The following LBH variants were observed in gnomAD, a reference collection of about 807,000 sequenced individuals.
LBH encodes the protein protein LBH.
LBH carries 7 observed loss-of-function variants against 12.5 expected under a neutral mutation model. The ratio of observed to expected loss-of-function variants is 0.56; its 90% CI spans 0.32 to 1.05. The LOEUF (loss-of-function observed/expected upper bound fraction) is 1.05, where lower values mean the gene tolerates loss of function less well. Ranked by LOEUF, LBH falls within the 50% of genes least tolerant of loss-of-function variation. The pLI is 0.04. For missense variants in LBH, 119 were observed against 138.9 expected (o/e 0.86, Z 0.72); for synonymous variants, 51 against 50.1 (o/e 1.02, Z -0.08).
chr2:30,259,892 A>G lies in LBH; in HGVS notation c.*2271A>G, dbSNP rs1415451766. 1.3e-5 allele frequency: 2 copies of G among 152,420 alleles called. No individual in the cohort carries two copies. The highest frequency in any genetic ancestry group is 2.9e-5 in the Non-Finnish European group (2 of 67,994). The allele number at this position is 152,420 out of a possible 1,614,324, so 9.4% of individuals were successfully genotyped here. ...AAAAATTCCTAGTATTTCAGTAAAAATGCCTGTTGTGAGATGAACCTCCTG... is the reference window on the plus strand; with the variant it reads ...AAAAATTCCTAGTATTTCAGTAAAAGTGCCTGTTGTGAGATGAACCTCCTG... On this transcript the variant is annotated 3_prime_UTR_variant, in exon 3 of 3. Transcript: ENST00000395323.
intron 1 of LBH, among the ~76,000 whole-genome samples, chr2:30,234,064 T>G (rs896548532): frequency 2.0e-5 from 3 of 152,206 alleles, no homozygotes; most frequent in Admixed American, 1.3e-4. Flanking sequence ...TATAGACAGA[T>G]GGACTCAGCT....
In LBH at chr2:30,231,553, G is replaced by A. The variant is rs1009841738; in HGVS notation, c.-186G>A. ...TGTGGGGCTGAGTGCTCAGTGGAGA[G>A]CGGGGAGTTGTGTCCACCTTGCCGA... On this transcript the variant is annotated 5_prime_UTR_variant, in exon 1 of 3. Transcript: ENST00000395323. 1.2e-4 allele frequency: 75 copies of A among 622,498 alleles called. No individual in the cohort carries two copies. Among genetic ancestry groups the A allele is most frequent in the Non-Finnish European group, 1.6e-4 (57 of 345,678 alleles). The allele number at this position is 622,498 out of a possible 1,614,324, so 38.6% of individuals were successfully genotyped here.
At chr2:30,243,325 T>C (rs752056865) in intron 2 of LBH, among the ~76,000 whole-genome samples, 25 of 152,184 alleles carry the variant, frequency 1.6e-4, no homozygotes, top group Non-Finnish European at 3.4e-4. Context: ...TTTTCTCCTT[T>C]ATTCTATTAA....
chr2:30,232,526 C>T (rs1319406339), intron 1 of LBH: 1 of 276,644 alleles, frequency 3.6e-6, no homozygotes, highest in Non-Finnish European at 6.8e-6. Flanking sequence ...GCAGTTTCTT[C>T]CTTCCTGCTC....
chr2:30,252,617 G>A (rs7592149), intron 2 of LBH, among the ~76,000 whole-genome samples: 6,932 of 151,986 alleles, frequency 0.046, 543 homozygotes, highest in African/African-American at 0.16. Flanking sequence ...AGCAGAGATC[G>A]TGCCACTGCA....
intron 2 of LBH, among the ~76,000 whole-genome samples, chr2:30,254,023 G>T (rs574946129): frequency 6.6e-6 from 1 of 152,102 alleles, no homozygotes; most frequent in Non-Finnish European, 1.5e-5. Flanking sequence ...TCCCAGGTGC[G>T]TGGCTTTGAG....
In LBH at chr2:30,257,626, C is replaced by T. The variant is rs140448962; in HGVS notation, c.*5C>T. The T allele has an allele frequency of 6.5e-5, 104 of 1,596,486 alleles. No individual in the cohort carries two copies. Among genetic ancestry groups the T allele is most frequent in the Non-Finnish European group, 8.6e-5 (100 of 1,169,186 alleles). On this transcript the variant is annotated 3_prime_UTR_variant, in exon 3 of 3. Transcript: ENST00000395323. Reference sequence around the variant, plus strand: ...AAAGAAAATAAAGAGCAGTAGAGTCCCTGTGGACTCCCATGGGTCATACCA... The same window carrying T: ...AAAGAAAATAAAGAGCAGTAGAGTCTCTGTGGACTCCCATGGGTCATACCA...
intron 2 of LBH, among the ~76,000 whole-genome samples, chr2:30,242,713 T>G (rs1472055602): frequency 1.3e-5 from 2 of 152,248 alleles, no homozygotes; most frequent in East Asian, 3.8e-4. Flanking sequence ...AGTGAATCCC[T>G]TTTTCACTTA....
chr2:30,249,698 G>A lies in LBH; in HGVS notation c.130-7735G>A, dbSNP rs13388013. On this transcript the variant is annotated intron_variant, in intron 2 of 2. Coordinates refer to ENST00000395323, the MANE Select transcript of LBH (RefSeq NM_030915.4). ...GTGGGCACAAGCCCAGGAGTGCTGC[G>A]TATTTGCTCCTGTCCCAAGCCACAG... is the stretch of plus-strand genomic sequence containing the variant. 7.2e-3 allele frequency among the ~76,000 whole-genome samples: 1,099 copies of A among 152,330 alleles called. 12 individuals are homozygous for A. Among genetic ancestry groups the A allele is most frequent in the African/African-American group, 0.024 (1,008 of 41,578 alleles).
rs550219011 is a variant in LBH at position 30,231,729 on chromosome 2, C to G, written c.-10C>G. The G allele has an allele frequency of 7.5e-6, 12 of 1,589,826 alleles. No homozygotes were observed. The Admixed American group carries it at 2.1e-4, about 28-fold the overall frequency. On this transcript the variant is annotated 5_prime_UTR_variant, in exon 1 of 3. Coordinates refer to ENST00000395323, the MANE Select transcript of LBH (RefSeq NM_030915.4). ...TCACAGGGGCGTGTGTCAGCCTGCC[C>G]TAGGACTTCATGTCTATATATTTCC...
chr2:30,251,440 C>T (rs1344784968), intron 2 of LBH, among the ~76,000 whole-genome samples: 1 of 151,970 alleles, frequency 6.6e-6, no homozygotes. Context: ...TCCCAAAATG[C>T]CACGGCCTGT....
At chr2:30,251,808 G>A (rs1677983814) in intron 2 of LBH, among the ~76,000 whole-genome samples, 1 of 152,104 alleles carries the variant, frequency 6.6e-6, no homozygotes, top group Non-Finnish European at 1.5e-5. Flanking sequence ...GTGGTGAGTG[G>A]CTGCTTTGTT....
At chr2:30,236,399 C>T (rs1325096892) in intron 2 of LBH, among the ~76,000 whole-genome samples, 1 of 152,070 alleles carries the variant, frequency 6.6e-6, no homozygotes, top group Non-Finnish European at 1.5e-5. Context: ...GCAAAGGATC[C>T]ACACATCTTC....
At chr2:30,255,397 C>A (rs909367316) in intron 2 of LBH, among the ~76,000 whole-genome samples, 1 of 113,602 alleles carries the variant, frequency 8.8e-6, no homozygotes, top group Non-Finnish European at 2.0e-5. Context: ...GGGTCCGTGT[C>A]CCCCTCTGCC....
chr2:30,258,028 A>G lies in LBH; in HGVS notation c.*407A>G, dbSNP rs1400489775. Reference sequence around the variant, plus strand: ...AGCAAGGAACATTTGGGGTAAGAAAACAAACATGAGGCAAAAGAAAAAATA... The same window carrying G: ...AGCAAGGAACATTTGGGGTAAGAAAGCAAACATGAGGCAAAAGAAAAAATA... On this transcript the variant is annotated 3_prime_UTR_variant, in exon 3 of 3. Transcript: ENST00000395323. The G allele has an allele frequency of 6.3e-6, 1 of 159,834 alleles. No homozygotes were observed. Among genetic ancestry groups the G allele is most frequent in the Non-Finnish European group, 1.4e-5 (1 of 73,054 alleles). The allele number at this position is 159,834 out of a possible 1,614,324, so 9.9% of individuals were successfully genotyped here.
At chr2:30,243,385 G>T (rs1677821692) in intron 2 of LBH, among the ~76,000 whole-genome samples, 1 of 152,146 alleles carries the variant, frequency 6.6e-6, no homozygotes, top group South Asian at 2.1e-4. Context: ...AAATTACATT[G>T]TTCTGGAGAC....
chr2:30,234,252 C>T (rs1677641917), intron 1 of LBH, 153 bp from the exon 2 acceptor site: 9 of 631,238 alleles, frequency 1.4e-5, no homozygotes, highest in Middle Eastern at 3.2e-4. Flanking sequence ...GGCGCTTCCT[C>T]AGGGTGTGAG....
In LBH at chr2:30,257,787, T is replaced by G; in HGVS notation, c.*166T>G. ...CCGAGTTGGTTTTCTTTTCTTTTCT[T>G]GCCTTTTTTTTTTTTTGAAATTTGC... On this transcript the variant is annotated 3_prime_UTR_variant, in exon 3 of 3. Transcript: ENST00000395323. 1.8e-6 allele frequency: 1 copy of G among 541,788 alleles called. No homozygotes were observed. The highest frequency in any genetic ancestry group is 3.8e-5 in the Admixed American group (1 of 25,976). 33.6% of individuals were successfully genotyped at this position (541,788 alleles called of 1,614,324 possible). A position where few individuals can be genotyped will look rare whatever the true frequency, so the allele number is the denominator to read the frequency against.
chr2:30,253,644 G>A lies in LBH; in HGVS notation c.130-3789G>A, dbSNP rs1388565108. ...TTGTGGAGCTCTCGGTATGAATGGC[G>A]CTGTTTGGAATTATTTTAATTACTG... On this transcript the variant is annotated intron_variant, in intron 2 of 2. Transcript: ENST00000395323. Among the ~76,000 whole-genome samples, 11 of 151,870 alleles carry A rather than the reference G, an allele frequency of 7.2e-5. No individual in the cohort carries two copies. In the East Asian group the frequency reaches 9.7e-4, roughly 13 times the overall value.
Sources: gnomAD v4.1 joint callset for allele counts (sites outside exome capture counted in the v4.1 genomes callset) on GRCh38, gnomAD v4.1.1 for gene constraint, MANE v1.5 for transcripts, NCBI Gene and HGNC (gene_info 2026-07-23, HGNC 2026-07-21) for gene names.